C1QTNF5: variants seen among roughly 807,000 people sequenced by gnomAD.
C1QTNF5 encodes the protein C1q and TNF related 5, also known as complement C1q tumor necrosis factor-related protein 5.
Under a neutral mutation model 10.9 loss-of-function variants are expected in C1QTNF5, and 5 were observed. The observed-to-expected ratio is 0.46, with a 90% confidence interval of 0.24 to 0.97. C1QTNF5 has a LOEUF of 0.97. C1QTNF5 is among the 50% of genes least tolerant of loss of function. The pLI is 0.19. For missense variants in C1QTNF5, 281 were observed against 339.4 expected (o/e 0.83, Z 1.35); for synonymous variants, 161 against 156.5 (o/e 1.03, Z -0.22).
At chr11:119,346,480 C>G in the C1QTNF5 span, 1 of 1,614,112 alleles carries the variant, frequency 6.2e-7, no homozygotes, top group Non-Finnish European at 8.5e-7. Context: ...TCTGTTGCCT[C>G]CATGCAGAGG....
upstream of C1QTNF5, chr11:119,342,575 C>T (rs910703854): frequency 4.3e-6 from 7 of 1,612,160 alleles, no homozygotes; most frequent in African/African-American, 6.7e-5. Context: ...TGCTCAGGGT[C>T]CCCAGGGGCA....
At chr11:119,343,821 C>T (rs1950528327), upstream of C1QTNF5, 2 of 1,613,754 alleles carry the variant, frequency 1.2e-6, no homozygotes, top group Admixed American at 1.7e-5. Flanking sequence ...TGTACCTGCC[C>T]AGGAGGCTGA....
upstream of C1QTNF5, chr11:119,345,407 C>T: frequency 6.2e-7 from 1 of 1,613,320 alleles, no homozygotes; most frequent in Non-Finnish European, 8.5e-7. Context: ...GTCCTGGGGA[C>T]AGAGGGACCT....
upstream of C1QTNF5, chr11:119,342,023 C>A: frequency 6.2e-7 from 1 of 1,611,480 alleles, no homozygotes; most frequent in Non-Finnish European, 8.5e-7. Context: ...GGGGACTGCT[C>A]ACTGGCTCTG....
intron 1 of C1QTNF5, 27 bp downstream of exon 1, chr11:119,340,668 C>G (rs1434535956): frequency 2.0e-6 from 1 of 500,626 alleles, no homozygotes; most frequent in Non-Finnish European, 3.5e-6. Flanking sequence ...CCTCCCCAGC[C>G]CCTTTCCCCT....
At chr11:119,343,974 G>A (rs2135370768), upstream of C1QTNF5, 5 of 1,611,440 alleles carry the variant, frequency 3.1e-6, no homozygotes, top group Non-Finnish European at 4.2e-6. Flanking sequence ...GCTGGGGGAG[G>A]GCATAGGTGG....
upstream of C1QTNF5, chr11:119,344,547 G>A (rs1281561967): frequency 3.9e-5 from 63 of 1,605,576 alleles, no homozygotes; most frequent in South Asian, 7.7e-5. Flanking sequence ...CGGAGGGCCC[G>A]GTTTGAGGCT....
chr11:119,340,042 G>T, intron 2 of C1QTNF5, 142 bp downstream of exon 2: 1 of 1,254,704 alleles, frequency 8.0e-7, no homozygotes, highest in Non-Finnish European at 1.0e-6. Context: ...CCCGCCGCCT[G>T]GGCCCCTCCC....
chr11:119,344,543 G>T (rs2509388), upstream of C1QTNF5: 14 of 1,603,516 alleles, frequency 8.7e-6, no homozygotes, highest in Middle Eastern at 7.3e-4. Context: ...CTGACGGAGG[G>T]CCCGGTTTGA....
rs1158086239 is a variant in C1QTNF5 at position 119,340,712 on chromosome 11, C to T, written c.-61G>A. On this transcript the variant is annotated 5_prime_UTR_variant, in exon 1 of 3. Transcript: ENST00000528368. ...AGACTCACCCCCCCTCCCGGCTCCC[C>T]GATGGCCTCCTTCGGGGCGCTCGCT... is the stretch of plus-strand genomic sequence containing the variant. 7.4e-6 allele frequency: 3 copies of T among 407,360 alleles called. No individual in the cohort carries two copies. The highest frequency in any genetic ancestry group is 5.5e-5 in the South Asian group (2 of 36,468). 25.2% of individuals were successfully genotyped at this position (407,360 alleles called of 1,614,324 possible). A position where few individuals can be genotyped will look rare whatever the true frequency, so the allele number is the denominator to read the frequency against.
chr11:119,344,621 C>T (rs768925654), upstream of C1QTNF5: 12 of 1,613,908 alleles, frequency 7.4e-6, no homozygotes, highest in Non-Finnish European at 1.0e-5. Context: ...ACCCCCATGC[C>T]TGGCCCGTAC....
Position 119,339,720 on chromosome 11 carries a change from C to T in C1QTNF5, c.343G>A (p.Val115Met). The T allele has an allele frequency of 1.2e-6, 2 of 1,602,056 alleles. No individual in the cohort carries two copies. The highest frequency in any genetic ancestry group is 8.5e-7 in the Non-Finnish European group (1 of 1,178,550). The stretch of plus-strand genomic sequence containing the variant: ...AAGGGTGCGTCAGACGGCGGAGGCA[C>T]CCGGCTCTCGGAGCGCTTGGCGCTG... ...AFSAKRSESR[V>M]PPPSDAPLPF... Residue 115 changes from valine (V) to methionine (M), a missense_variant, in exon 3 of 3, where the codon GTG becomes ATG. Val to Met is a conservative substitution (Grantham distance 21, BLOSUM62 1). Transcript: ENST00000528368. The surrounding 1 kb of genome is among the most constrained non-coding windows in gnomAD (Gnocchi z 5.4).
At chr11:119,344,184 C>A (rs188591203), upstream of C1QTNF5, 20 of 1,001,882 alleles carry the variant, frequency 2.0e-5, no homozygotes, top group East Asian at 2.5e-4. Flanking sequence ...ATTCCCCCAT[C>A]CCCCGTCTGC....
upstream of C1QTNF5, chr11:119,341,494 G>C (rs1950501874): frequency 4.7e-6 from 7 of 1,475,098 alleles, no homozygotes; most frequent in Middle Eastern, 2.1e-4. Context: ...CTGCGTGCCA[G>C]CCCTGACCGG....
Position 119,339,481 on chromosome 11 carries a change from C to CCCCCCCGAGAGCGAGGCAGGCTTGGGCCA in C1QTNF5, c.581_582insTGGCCCAAGCCTGCCTCGCTCTCGGGGGG (p.Ala195GlyfsTer13), listed in dbSNP as rs746520820. The CCCCCCCGAGAGCGAGGCAGGCTTGGGCCA allele has an allele frequency of 6.2e-7, 1 of 1,613,866 alleles. No homozygotes were observed. The highest frequency in any genetic ancestry group is 1.1e-5 in the South Asian group (1 of 91,066). The stretch of plus-strand genomic sequence containing the variant: ...CCTCAGGCTCCAGCCTCACCATGGC[C>CCCCCCCGAGAGCGAGGCAGGCTTGGGCCA]CCCCCCGAGAGCGAGGCTGGCTTGG... On this transcript the variant is annotated frameshift_variant, in exon 3 of 3. Transcript: ENST00000528368. LOFTEE classifies it high-confidence loss of function. This position sits in a 1 kb window ranked among gnomAD's most constrained non-coding sequence, Gnocchi z 5.4.
upstream of C1QTNF5, chr11:119,343,027 T>C (rs1282476096): frequency 1.9e-6 from 3 of 1,584,852 alleles, no homozygotes; most frequent in African/African-American, 4.0e-5. Context: ...ACAGCTGTTC[T>C]GGGCACCAGC....
chr11:119,344,554 G>C, upstream of C1QTNF5: 5 of 1,610,276 alleles, frequency 3.1e-6, no homozygotes, highest in Non-Finnish European at 4.2e-6. Flanking sequence ...CCCGGTTTGA[G>C]GCTGGACCAG....
upstream of C1QTNF5, among the ~76,000 whole-genome samples, chr11:119,345,197 A>C (rs1040435982): frequency 1.5e-4 from 23 of 152,218 alleles, no homozygotes; most frequent in African/African-American, 5.3e-4. Context: ...GCATCTACTC[A>C]TGGGGAGATA....
At chr11:119,344,283 C>T (rs765045731), upstream of C1QTNF5, 1 of 1,599,416 alleles carries the variant, frequency 6.3e-7, no homozygotes, top group East Asian at 2.2e-5. Flanking sequence ...CCGTGTGTGC[C>T]CCTCCCGTTC....
Sources: gnomAD v4.1 joint callset for allele counts (sites outside exome capture counted in the v4.1 genomes callset) on GRCh38, gnomAD v4.1.1 for gene constraint, Gnocchi (gnomAD v3.1) non-coding constraint, MANE v1.5 for transcripts, NCBI Gene and HGNC (gene_info 2026-07-23, HGNC 2026-07-21) for gene names.